The following MROH1 variants were observed in gnomAD, a reference collection of about 807,000 sequenced individuals.
MROH1 encodes maestro heat-like repeat-containing protein family member 1.
In MROH1, 117 loss-of-function variants were observed where a neutral mutation model predicts 116.5. The observed-to-expected ratio is 1.00, with a 90% CI of 0.86 to 1.17. MROH1 has a LOEUF of 1.17. Among genes scored for constraint, MROH1 ranks in the 50% most tolerant of loss-of-function variants. MROH1 has a pLI of 0.00. For synonymous variants in MROH1, 921 were observed against 583.9 expected (o/e 1.58, Z -8.32); for missense variants, 1,873 against 1,338.5 (o/e 1.40, Z -6.23).
In MROH1 at chr8:144,168,433, A is replaced by G. The variant is rs751390929; in HGVS notation, c.161A>G (p.His54Arg). Reference sequence around the variant, plus strand: ...GCCTGCGAGGAGTATCTGCGGCAGCATGACAAGGTATGTGTGCTCCTTGGT... The same window carrying G: ...GCCTGCGAGGAGTATCTGCGGCAGCGTGACAAGGTATGTGTGCTCCTTGGT... ...LRACEEYLRQHDKLAHPYRAA... is the reference protein window; with the variant it reads ...LRACEEYLRQRDKLAHPYRAA... Residue 54 changes from histidine to arginine, a missense_variant, in exon 4 of 44, where the codon CAT becomes CGT. Coordinates refer to ENST00000326134, the MANE Select transcript of MROH1 (RefSeq NM_032450.3). 2.3e-5 allele frequency: 37 copies of G among 1,606,276 alleles called. No individual in the cohort carries two copies. Among genetic ancestry groups the G allele is most frequent in the Non-Finnish European group, 3.1e-5 (37 of 1,176,996 alleles).
chr8:144,221,739 C>T (rs909604923), intron 13 of MROH1, among the ~76,000 whole-genome samples: 2 of 152,138 alleles, frequency 1.3e-5, no homozygotes, highest in African/African-American at 4.8e-5. Context: ...GGTGGCTAAA[C>T]GCACACAGTC....
At chr8:144,213,732 T>A (rs1345103392) in intron 12 of MROH1, among the ~76,000 whole-genome samples, 1 of 152,032 alleles carries the variant, frequency 6.6e-6, no homozygotes, top group Non-Finnish European at 1.5e-5. Flanking sequence ...GAGGTTGCAG[T>A]GAGCCAAGAT....
At chr8:144,193,724 C>T (rs1244800262) in intron 10 of MROH1, among the ~76,000 whole-genome samples, 1 of 151,832 alleles carries the variant, frequency 6.6e-6, no homozygotes, top group African/African-American at 2.4e-5. Flanking sequence ...TCTCCTGCCT[C>T]AGCCTCCTGA....
At chr8:144,193,268 C>A (rs1454706256) in intron 10 of MROH1, 1 of 152,278 alleles carries the variant, frequency 6.6e-6, no homozygotes, top group Non-Finnish European at 1.5e-5. Context: ...AACATTGGTA[C>A]GAAAAGCAAC....
At chr8:144,242,875 C>G (rs1215137441) in intron 24 of MROH1, among the ~76,000 whole-genome samples, 4 of 152,190 alleles carry the variant, frequency 2.6e-5, no homozygotes, top group African/African-American at 9.6e-5. Context: ...TGTCGCCCCC[C>G]AGGGAGTTCA....
rs563311606 is a variant in MROH1, at chr8:144,192,204, C to T, written c.856-105C>T. 2,640 of 972,388 alleles carry T rather than the reference C, an allele frequency of 2.7e-3. 8 individuals are homozygous for T. Among genetic ancestry groups the T allele is most frequent in the Non-Finnish European group, 3.6e-3 (2,362 of 663,664 alleles). 60.2% of individuals were successfully genotyped at this position (972,388 alleles called of 1,614,324 possible). On this transcript the variant is annotated intron_variant, in intron 9 of 43. Coordinates refer to ENST00000326134, the MANE Select transcript of MROH1 (RefSeq NM_032450.3). The stretch of plus-strand genomic sequence containing the variant: ...GCCCCAAGGTGGGGCCCATGTCCTC[C>T]TGGCCCATGTCTTCCTGTGGCCCAA...
At chr8:144,217,098 T>C (rs1454261823) in intron 12 of MROH1, among the ~76,000 whole-genome samples, 2 of 152,096 alleles carry the variant, frequency 1.3e-5, no homozygotes, top group South Asian at 2.1e-4. Flanking sequence ...GGTAGGAGGA[T>C]TGAGTCCAGG....
chr8:144,248,838 C>G (rs1022184869), intron 31 of MROH1, 39 bp from the exon 32 acceptor site: 6 of 770,764 alleles, frequency 7.8e-6, no homozygotes, highest in African/African-American at 3.4e-5. Flanking sequence ...GTTGGGGGTG[C>G]CCCCCTTCCC....
At chr8:144,177,305 G>A (rs923150093) in intron 4 of MROH1, among the ~76,000 whole-genome samples, 4 of 152,204 alleles carry the variant, frequency 2.6e-5, no homozygotes, top group Admixed American at 2.6e-4. Context: ...TGTGGGCCTG[G>A]GAGCTGCCTG....
Position 144,163,011 on chromosome 8 carries a change from C to A in MROH1, c.-56-760C>A, listed in dbSNP as rs140792030. On this transcript the variant is annotated intron_variant, in intron 2 of 43. Coordinates refer to ENST00000326134, the MANE Select transcript of MROH1 (RefSeq NM_032450.3). The surrounding 1 kb of genome is among the most constrained non-coding windows in gnomAD (Gnocchi z 4.4). Reference sequence around the variant, plus strand: ...GTGCTGGATTACAGGCATGAGCCATCGCTCTTGGCCAAGATTTCTATGATT... The same window carrying A: ...GTGCTGGATTACAGGCATGAGCCATAGCTCTTGGCCAAGATTTCTATGATT... 3.2e-3 allele frequency among the ~76,000 whole-genome samples: 481 copies of A among 152,376 alleles called. 1 individual carries two copies. Among genetic ancestry groups the A allele is most frequent in the Non-Finnish European group, 5.3e-3 (360 of 68,042 alleles).
chr8:144,170,094 G>C lies in MROH1; in HGVS notation c.168+1654G>C, dbSNP rs141424261. On this transcript the variant is annotated intron_variant, in intron 4 of 43. Coordinates refer to ENST00000326134, the MANE Select transcript of MROH1 (RefSeq NM_032450.3). The stretch of plus-strand genomic sequence containing the variant: ...GTGATCTGCCAGCCTCGGCCTCCCA[G>C]AGTGCTGGGATTACAGGCGTGAGCC... 7.1e-3 allele frequency among the ~76,000 whole-genome samples: 1,083 copies of C among 152,260 alleles called. 11 individuals carry two copies. The highest frequency in any genetic ancestry group is 0.025 in the African/African-American group (1,037 of 41,548).
Position 144,261,763 on chromosome 8 carries a change from G to T in MROH1, c.*23G>T. The T allele has an allele frequency of 1.4e-6, 1 of 703,966 alleles. No homozygotes were observed. The highest frequency in any genetic ancestry group is 1.5e-5 in the South Asian group (1 of 67,590). 43.6% of individuals were successfully genotyped at this position (703,966 alleles called of 1,614,324 possible). Reference sequence around the variant, plus strand: ...TAAGGCTCCGGCCAGCACCCCCAGCGAGGAGTATGCACCCAGACCTGTGCC... The same window carrying T: ...TAAGGCTCCGGCCAGCACCCCCAGCTAGGAGTATGCACCCAGACCTGTGCC... On this transcript the variant is annotated 3_prime_UTR_variant, in exon 44 of 44. Coordinates refer to ENST00000326134, the MANE Select transcript of MROH1 (RefSeq NM_032450.3).
chr8:144,257,289 A>G (rs946600900), intron 35 of MROH1, among the ~76,000 whole-genome samples: 7 of 152,120 alleles, frequency 4.6e-5, no homozygotes, highest in Non-Finnish European at 1.0e-4. Context: ...CCCGTGAGAG[A>G]GAGGAGCCTG....
chr8:144,215,474 A>G (rs1257539536), intron 12 of MROH1, among the ~76,000 whole-genome samples: 1 of 152,188 alleles, frequency 6.6e-6, no homozygotes, highest in Non-Finnish European at 1.5e-5. Flanking sequence ...GAGGCAGATG[A>G]CCCTGGAGGA....
rs1252960671 is a variant in MROH1 at position 144,207,387 on chromosome 8, C to G, written c.1141+6846C>G. On this transcript the variant is annotated intron_variant, in intron 12 of 43. Coordinates refer to ENST00000326134, the MANE Select transcript of MROH1 (RefSeq NM_032450.3). ...ATTTTTAGTAGAGACAGGGTTTCAC[C>G]ATGTTGGCCAGGATGGTCTTGATCT... Among the ~76,000 whole-genome samples, 6 of 152,024 alleles carry G rather than the reference C, an allele frequency of 3.9e-5. No homozygotes were observed. In the East Asian group the frequency reaches 1.2e-3, roughly 29 times the overall value.
chr8:144,185,583 G>GA (rs1426501362), intron 7 of MROH1, among the ~76,000 whole-genome samples: 1 of 82,326 alleles, frequency 1.2e-5, no homozygotes, highest in Non-Finnish European at 2.3e-5. Flanking sequence ...CGGCGCAGGG[G>GA]CCTTGAGGGG....
intron 14 of MROH1, among the ~76,000 whole-genome samples, chr8:144,238,318 AGTC>A: frequency 6.6e-6 from 1 of 152,186 alleles, no homozygotes; most frequent in East Asian, 1.9e-4. Flanking sequence ...GGGAAACAGA[AGTC>A]GTCTGCTTAC....
At position 144,248,792 on chromosome 8, in the gene MROH1, G is replaced by A. The variant is rs906308060; in HGVS notation, c.3121-85G>A. 1.3e-4 allele frequency: 95 copies of A among 726,558 alleles called. No individual in the cohort carries two copies. In the East Asian group the frequency reaches 2.0e-3, roughly 15 times the overall value. 45.0% of individuals were successfully genotyped at this position (726,558 alleles called of 1,614,324 possible). On this transcript the variant is annotated intron_variant, in intron 31 of 43. Coordinates refer to ENST00000326134, the MANE Select transcript of MROH1 (RefSeq NM_032450.3). ...AAGGGGTGTGGCTTCCCGCCCTAAC[G>A]CGAGCCCCTGAGACCCGATGCCTAA...
rs951013478 is a variant in MROH1, at chr8:144,254,077, C to T, written c.3429-736C>T. The stretch of plus-strand genomic sequence containing the variant: ...GCCTCTGGGACATCCATCAAATGTA[C>T]GTTAGCCCTCATTCCATCTTCCGCG... On this transcript the variant is annotated intron_variant, in intron 33 of 43. Transcript: ENST00000326134. Among the ~76,000 whole-genome samples the T allele has an allele frequency of 5.6e-3, 857 of 152,280 alleles. 6 individuals carry two copies. The highest frequency in any genetic ancestry group is 0.018 in the African/African-American group (764 of 41,554).
Sources: allele counts gnomAD v4.1 joint callset (sites outside exome capture counted in the v4.1 genomes callset), GRCh38; gene constraint gnomAD v4.1.1; non-coding constraint Gnocchi (gnomAD v3.1); transcripts MANE v1.5; gene names NCBI Gene and HGNC (gene_info 2026-07-23, HGNC 2026-07-21).